Variants in MATCAP2 observed in about 807,000 individuals in gnomAD.
MATCAP2 encodes the protein microtubule associated tyrosine carboxypeptidase 2.
chr7:36,341,426 C>T, the MATCAP2 span, among the ~76,000 whole-genome samples: 1 of 152,180 alleles, frequency 6.6e-6, no homozygotes, highest in Non-Finnish European at 1.5e-5. Flanking sequence ...GATTGTAATA[C>T]ATCATGGGAA....
chr7:36,348,684 G>A, the MATCAP2 span, among the ~76,000 whole-genome samples: 13 of 152,118 alleles, frequency 8.5e-5, no homozygotes, highest in South Asian at 1.4e-3. Context: ...TGGCAGAGAT[G>A]ACATATAAAC....
the MATCAP2 span, among the ~76,000 whole-genome samples, chr7:36,373,282 A>G: frequency 2.0e-5 from 3 of 152,212 alleles, no homozygotes; most frequent in African/African-American, 7.2e-5. Flanking sequence ...AGATACAGAT[A>G]GGTGCTATGA....
chr7:36,357,925 G>A, the MATCAP2 span, among the ~76,000 whole-genome samples: 1 of 151,980 alleles, frequency 6.6e-6, no homozygotes, highest in Admixed American at 6.6e-5. Context: ...TTGGCTGGGC[G>A]CAGTGGCTCA....
chr7:36,359,300 T>C, the MATCAP2 span, among the ~76,000 whole-genome samples: 1 of 152,176 alleles, frequency 6.6e-6, no homozygotes, highest in East Asian at 1.9e-4. Flanking sequence ...CTGCTAAACA[T>C]CCTTCACTGC....
At chr7:36,385,787 AAAAATAAAATAAAATAAAAT>A in the MATCAP2 span, among the ~76,000 whole-genome samples, 1,463 of 119,384 alleles carry the variant, frequency 0.012, 17 homozygotes, top group African/African-American at 0.027. Flanking sequence ...CCCTATTTCA[AAAAATAAAATAAAATAAAAT>A]AAAATAAAAT....
the MATCAP2 span, among the ~76,000 whole-genome samples, chr7:36,351,357 T>C: frequency 2.0e-5 from 3 of 151,982 alleles, no homozygotes; most frequent in Non-Finnish European, 2.9e-5. Flanking sequence ...GACTGCATAA[T>C]TGCACTCCAG....
chr7:36,361,759 A>G, the MATCAP2 span, among the ~76,000 whole-genome samples: 185 of 152,178 alleles, frequency 1.2e-3, 1 homozygote, highest in Middle Eastern at 6.8e-3. Flanking sequence ...AAACAAAAAC[A>G]CCTCAAACAG....
At chr7:36,369,715 A>C in the MATCAP2 span, among the ~76,000 whole-genome samples, 2 of 152,194 alleles carry the variant, frequency 1.3e-5, no homozygotes, top group Non-Finnish European at 2.9e-5. Flanking sequence ...GATGATACCT[A>C]TCCTCAAGGA....
chr7:36,332,187 G>A, the MATCAP2 span, among the ~76,000 whole-genome samples: 2 of 151,962 alleles, frequency 1.3e-5, no homozygotes, highest in Non-Finnish European at 2.9e-5. Context: ...AGCCTCCACG[G>A]GGTGGGTATC....
chr7:36,354,365 G>C, the MATCAP2 span, among the ~76,000 whole-genome samples: 1 of 152,232 alleles, frequency 6.6e-6, no homozygotes, highest in Non-Finnish European at 1.5e-5. Flanking sequence ...ATCTGTGCGC[G>C]AAAGTCTAGC....
At chr7:36,337,127 C>CAAAAAAAAAAAAAAAAAAAAAA in the MATCAP2 span, among the ~76,000 whole-genome samples, 4 of 29,356 alleles carry the variant, frequency 1.4e-4, no homozygotes, top group African/African-American at 2.4e-4. Context: ...AAAAAAAAAG[C>CAAAAAAAAAAAAAAAAAAAAAA]AATCAGTCTT....
the MATCAP2 span, among the ~76,000 whole-genome samples, chr7:36,350,331 A>G: frequency 6.6e-6 from 1 of 152,212 alleles, no homozygotes; most frequent in Admixed American, 6.5e-5. Flanking sequence ...TGAATTGCCT[A>G]TTCCATTCAC....
At chr7:36,366,513 TAATG>T in the MATCAP2 span, among the ~76,000 whole-genome samples, 3 of 152,226 alleles carry the variant, frequency 2.0e-5, no homozygotes, top group Non-Finnish European at 2.9e-5. Context: ...ACAGTATAAA[TAATG>T]AAATATACAG....
the MATCAP2 span, chr7:36,334,093 GTT>G: frequency 6.2e-7 from 1 of 1,614,094 alleles, no homozygotes; most frequent in Middle Eastern, 1.7e-4. Flanking sequence ...TTTAGCTCAT[GTT>G]TTTTACGTCC....
the MATCAP2 span, among the ~76,000 whole-genome samples, chr7:36,341,730 A>G: frequency 7.2e-5 from 11 of 152,172 alleles, no homozygotes; most frequent in Admixed American, 7.2e-4. Flanking sequence ...ATCTGCCTCT[A>G]AATAAAAGTG....
the MATCAP2 span, among the ~76,000 whole-genome samples, chr7:36,360,916 C>G: frequency 3.3e-5 from 5 of 152,146 alleles, no homozygotes; most frequent in Non-Finnish European, 7.3e-5. Context: ...AAAAAGCATA[C>G]TTTCTCACAT....
chr7:36,365,684 G>C, the MATCAP2 span, among the ~76,000 whole-genome samples: 2 of 152,240 alleles, frequency 1.3e-5, no homozygotes, highest in East Asian at 1.9e-4. Flanking sequence ...GGGCGACAGA[G>C]CGAGACTCCG....
At chr7:36,355,354 G>A in the MATCAP2 span, 1 of 152,144 alleles carries the variant, frequency 6.6e-6, no homozygotes, top group Non-Finnish European at 1.5e-5. Context: ...CAGCCTAAGA[G>A]TGGATTATGT....
At chr7:36,349,950 G>T in the MATCAP2 span, among the ~76,000 whole-genome samples, 1 of 152,120 alleles carries the variant, frequency 6.6e-6, no homozygotes, top group Non-Finnish European at 1.5e-5. Context: ...AATACACAAG[G>T]CTACTATGGA....
Sources: allele counts gnomAD v4.1 joint callset (sites outside exome capture counted in the v4.1 genomes callset), GRCh38; gene constraint gnomAD v4.1.1; transcripts MANE v1.5; gene names NCBI Gene and HGNC (gene_info 2026-07-23, HGNC 2026-07-21).